The following DPP10 variants were observed in gnomAD, a reference collection of about 807,000 sequenced individuals.
The protein encoded by DPP10 is dipeptidyl peptidase like 10, also known as inactive dipeptidyl peptidase 10.
Under a neutral mutation model 120.9 loss-of-function variants are expected in DPP10, and 33 were observed. That is an observed-to-expected ratio of 0.27 (90% CI 0.21 to 0.37). DPP10 has a LOEUF of 0.37. Ranked by LOEUF, DPP10 falls within the 10% of genes least tolerant of loss-of-function variation. The pLI is 1.00. For synonymous variants in DPP10, 337 were observed against 326.1 expected, an observed-to-expected ratio of 1.03 and a Z score of -0.36; for missense variants, 816 against 942.8, an observed-to-expected ratio of 0.87 and a Z score of 1.76.
chr2:115,190,428 G>T lies in DPP10; in HGVS notation c.61-118811G>T, dbSNP rs890360436. Among the ~76,000 whole-genome samples the T allele has an allele frequency of 1.6e-4, 25 of 152,016 alleles. 1 individual carries two copies. Among genetic ancestry groups the T allele is most frequent in the Non-Finnish European group, 2.9e-5 (2 of 68,024 alleles). On this transcript the variant is annotated intron_variant, in intron 1 of 25. Transcript: ENST00000410059. ...GCACAAGTGCTGCTCTAATTACTCG[G>T]CAGAGTACCCAGCAAGAGTCCCCCG... is the stretch of plus-strand genomic sequence containing the variant.
intron 1 of DPP10, among the ~76,000 whole-genome samples, chr2:115,007,822 T>G (rs924708640): frequency 6.7e-6 from 1 of 148,530 alleles, no homozygotes; most frequent in Non-Finnish European, 1.5e-5. Flanking sequence ...GAACTCCCAT[T>G]CACAATTGCT....
At chr2:114,786,964 C>T (rs1682820155) in intron 1 of DPP10, among the ~76,000 whole-genome samples, 1 of 152,168 alleles carries the variant, frequency 6.6e-6, no homozygotes, top group Admixed American at 6.5e-5. Flanking sequence ...TATTGAGCCT[C>T]TCTGTGCCAG....
chr2:115,238,134 CTT>C (rs1359618212), intron 1 of DPP10, among the ~76,000 whole-genome samples: 6 of 152,130 alleles, frequency 3.9e-5, no homozygotes, highest in African/African-American at 1.4e-4. Flanking sequence ...CAGGCTGACT[CTT>C]TTGTTAGAGG....
chr2:114,600,812 G>C (rs1006438852), intron 1 of DPP10, among the ~76,000 whole-genome samples: 18 of 151,914 alleles, frequency 1.2e-4, no homozygotes, highest in Non-Finnish European at 2.2e-4. Flanking sequence ...ATTTGGATTT[G>C]AACTGTTTTA....
chr2:115,430,804 C>A (rs1367558537), intron 3 of DPP10, among the ~76,000 whole-genome samples: 1 of 152,152 alleles, frequency 6.6e-6, no homozygotes, highest in Non-Finnish European at 1.5e-5. Flanking sequence ...GGTAGATGAG[C>A]AAATTGCTCT....
chr2:115,799,676 C>T (rs1003050081), intron 19 of DPP10, among the ~76,000 whole-genome samples: 2 of 147,450 alleles, frequency 1.4e-5, no homozygotes, highest in African/African-American at 2.5e-5. Context: ...TGAGTGAGAA[C>T]ATGCGGTGTT....
At chr2:115,195,831 C>G (rs1438316860) in intron 1 of DPP10, among the ~76,000 whole-genome samples, 5 of 152,162 alleles carry the variant, frequency 3.3e-5, no homozygotes, top group Non-Finnish European at 5.9e-5. Flanking sequence ...CAGGGCAATT[C>G]TTCAGTGGAT....
At chr2:114,487,828 C>G (rs1452904476) in intron 1 of DPP10, among the ~76,000 whole-genome samples, 1 of 152,024 alleles carries the variant, frequency 6.6e-6, no homozygotes, top group Non-Finnish European at 1.5e-5. Flanking sequence ...ATATCAATAT[C>G]TAAAAAGAAA....
intron 1 of DPP10, among the ~76,000 whole-genome samples, chr2:115,173,480 A>C (rs1395632270): frequency 6.6e-6 from 1 of 152,222 alleles, no homozygotes; most frequent in Non-Finnish European, 1.5e-5. Flanking sequence ...GAGAGATCAC[A>C]AAGCACCAAC....
intron 1 of DPP10, among the ~76,000 whole-genome samples, chr2:114,594,146 C>G (rs992696066): frequency 1.3e-5 from 2 of 151,888 alleles, no homozygotes; most frequent in African/African-American, 4.8e-5. Context: ...TAATCAGCTG[C>G]CAAGGAATAT....
chr2:114,513,857 A>G (rs1447949534), intron 1 of DPP10, among the ~76,000 whole-genome samples: 1 of 152,232 alleles, frequency 6.6e-6, no homozygotes, highest in Non-Finnish European at 1.5e-5. Context: ...TTCAGAGCTC[A>G]AAAAGATCTT....
intron 13 of DPP10, among the ~76,000 whole-genome samples, chr2:115,775,933 A>G (rs1682044890): frequency 6.6e-6 from 1 of 152,192 alleles, no homozygotes; most frequent in Admixed American, 6.6e-5. Flanking sequence ...ATAGGATCCA[A>G]GTAAATTCAA....
chr2:114,697,812 C>A (rs376545483), intron 1 of DPP10, among the ~76,000 whole-genome samples: 108 of 150,784 alleles, frequency 7.2e-4, no homozygotes, highest in African/African-American at 2.6e-3. Flanking sequence ...GTAGGAGGTT[C>A]AACCAGAATC....
chr2:115,720,582 T>C lies in DPP10; in HGVS notation c.577-7234T>C, dbSNP rs539598105. The stretch of plus-strand genomic sequence containing the variant: ...TAAAAAATAACTGTAAATGTACTTA[T>C]ATGTTTTAATATGGTCTATATGATA... On this transcript the variant is annotated intron_variant, in intron 7 of 25. Coordinates refer to ENST00000410059, the MANE Select transcript of DPP10 (RefSeq NM_020868.6). 2.6e-5 allele frequency among the ~76,000 whole-genome samples: 4 copies of C among 152,282 alleles called. No homozygotes were observed. In the South Asian group the frequency reaches 8.3e-4, roughly 32 times the overall value.
chr2:115,377,494 C>T (rs545687280), intron 3 of DPP10, among the ~76,000 whole-genome samples: 44 of 152,202 alleles, frequency 2.9e-4, no homozygotes, highest in Admixed American at 2.1e-3. Flanking sequence ...TCCTCCCATT[C>T]TGTAGGTTGC....
rs1287324948 is a variant in DPP10 at position 115,625,283 on chromosome 2, G to T, written c.442-64404G>T. Among the ~76,000 whole-genome samples the T allele has an allele frequency of 2.0e-5, 3 of 152,110 alleles. No homozygotes were observed. The East Asian group carries it at 5.8e-4, about 29-fold the overall frequency. ...TTCACAAATCTTTGAAAGGGAAAAT[G>T]TAAGTGTGGAAAAGACTTCAGTATT... On this transcript the variant is annotated intron_variant, in intron 5 of 25. Coordinates refer to ENST00000410059, the MANE Select transcript of DPP10 (RefSeq NM_020868.6).
intron 3 of DPP10, among the ~76,000 whole-genome samples, chr2:115,436,323 C>T (rs1256628758): frequency 6.6e-6 from 1 of 151,586 alleles, no homozygotes; most frequent in Non-Finnish European, 1.5e-5. Context: ...TTTGTCTCTA[C>T]AAATTTAATT....
At chr2:114,557,187 G>C (rs1688395506) in intron 1 of DPP10, among the ~76,000 whole-genome samples, 1 of 152,028 alleles carries the variant, frequency 6.6e-6, no homozygotes, top group Non-Finnish European at 1.5e-5. Context: ...TAGTTGGTCT[G>C]CAATGAACTT....
intron 21 of DPP10, among the ~76,000 whole-genome samples, chr2:115,830,933 C>G (rs1449681788): frequency 6.6e-6 from 1 of 152,088 alleles, no homozygotes; most frequent in Non-Finnish European, 1.5e-5. Flanking sequence ...GGGAGGGCCT[C>G]TCAGTGTTTG....
Sources: gnomAD v4.1 joint callset for allele counts (sites outside exome capture counted in the v4.1 genomes callset) on GRCh38, gnomAD v4.1.1 for gene constraint, MANE v1.5 for transcripts, NCBI Gene and HGNC (gene_info 2026-07-23, HGNC 2026-07-21) for gene names.